Variants in TNS3 observed in about 807,000 individuals in gnomAD.
The protein encoded by TNS3 is tensin-3.
A neutral mutation model predicts 140.9 loss-of-function variants in TNS3; 45 were observed. The observed-to-expected ratio is 0.32, with a 90% CI of 0.25 to 0.41. The LOEUF is 0.41. Ranked by LOEUF, TNS3 falls within the 10% of genes least tolerant of loss-of-function variation. The pLI is 1.00. For missense variants in TNS3, 1,716 were observed against 1,906.7 expected, an observed-to-expected ratio of 0.90 and a Z score of 1.86; for synonymous variants, 815 against 788.4, an observed-to-expected ratio of 1.03 and a Z score of -0.56.
intron 4 of TNS3, among the ~76,000 whole-genome samples, chr7:47,456,300 A>G (rs1584700962): frequency 1.3e-5 from 2 of 151,958 alleles, no homozygotes; most frequent in East Asian, 3.9e-4. Flanking sequence ...CAATGGGGGG[A>G]GTATTTATAC....
intron 20 of TNS3, among the ~76,000 whole-genome samples, chr7:47,309,416 TG>T (rs539001252): frequency 1.6e-3 from 249 of 152,250 alleles, no homozygotes; most frequent in Middle Eastern, 6.8e-3. Flanking sequence ...AAATATGCTA[TG>T]AGAGTATGTT....
At chr7:47,412,915 A>G (rs1457179962) in intron 12 of TNS3, among the ~76,000 whole-genome samples, 1 of 152,196 alleles carries the variant, frequency 6.6e-6, no homozygotes, top group African/African-American at 2.4e-5. Flanking sequence ...GAGAATGCTC[A>G]TGGGTTATAT....
Position 47,276,374 on chromosome 7 carries a change from T to C in TNS3, c.*1702A>G, listed in dbSNP as rs1784870673. The C allele has an allele frequency of 6.5e-6, 1 of 152,714 alleles. No individual in the cohort carries two copies. The highest frequency in any genetic ancestry group is 1.5e-5 in the Non-Finnish European group (1 of 68,268). The allele number at this position is 152,714 out of a possible 1,614,324, so 9.5% of individuals were successfully genotyped here. On this transcript the variant is annotated 3_prime_UTR_variant, in exon 31 of 31. Coordinates refer to ENST00000311160, the MANE Select transcript of TNS3 (RefSeq NM_022748.12). ...ACTGTGATTTGGCTGCTTCCAACTC[T>C]GCCTGTTTCTAAGTTTTCCTCGGCC... is the stretch of plus-strand genomic sequence containing the variant.
intron 8 of TNS3, among the ~76,000 whole-genome samples, chr7:47,433,193 G>A (rs1178572549): frequency 6.6e-6 from 1 of 152,222 alleles, no homozygotes; most frequent in African/African-American, 2.4e-5. Flanking sequence ...TTCCTGGCAT[G>A]TGTGGAAGGA....
chr7:47,420,622 G>A (rs901050031), intron 10 of TNS3, among the ~76,000 whole-genome samples: 41 of 152,338 alleles, frequency 2.7e-4, no homozygotes, highest in African/African-American at 9.9e-4. Context: ...CAAGACATGG[G>A]AAGTGGGCCA....
chr7:47,379,071 G>C (rs1215593432), intron 16 of TNS3, among the ~76,000 whole-genome samples: 1 of 152,190 alleles, frequency 6.6e-6, no homozygotes, highest in Non-Finnish European at 1.5e-5. Flanking sequence ...CTAGGCTGTG[G>C]CCCAGAGCAC....
At chr7:47,551,842 G>T (rs1430934506) in intron 1 of TNS3, among the ~76,000 whole-genome samples, 1 of 152,148 alleles carries the variant, frequency 6.6e-6, no homozygotes, top group East Asian at 1.9e-4. Context: ...TCTTGCACTT[G>T]CAGAGACTGA....
chr7:47,533,999 C>T (rs1185728241), intron 1 of TNS3, among the ~76,000 whole-genome samples: 14 of 152,066 alleles, frequency 9.2e-5, no homozygotes, highest in Non-Finnish European at 1.5e-4. Flanking sequence ...CATGGCCAAG[C>T]GCGGTGGCTC....
At chr7:47,498,659 C>T (rs936548697) in intron 3 of TNS3, among the ~76,000 whole-genome samples, 2 of 152,222 alleles carry the variant, frequency 1.3e-5, no homozygotes, top group Non-Finnish European at 2.9e-5. Flanking sequence ...AGGGCTAGGA[C>T]TTCCTACACA....
intron 2 of TNS3, among the ~76,000 whole-genome samples, chr7:47,519,274 G>C (rs866417702): frequency 6.9e-6 from 1 of 144,176 alleles, no homozygotes; most frequent in Admixed American, 7.2e-5. Flanking sequence ...CACAAGGCAC[G>C]GGTGCAAAGG....
At chr7:47,549,979 G>T (rs1230436413) in intron 1 of TNS3, among the ~76,000 whole-genome samples, 1 of 140,428 alleles carries the variant, frequency 7.1e-6, no homozygotes. Context: ...TCTTGACAGG[G>T]GTGCCAGACC....
rs778455898 is a variant in TNS3 at position 47,303,155 on chromosome 7, G to T, written c.3252C>A (p.Gly1084=). The T allele has an allele frequency of 1.2e-6, 2 of 1,613,976 alleles. No individual in the cohort carries two copies. The highest frequency in any genetic ancestry group is 1.7e-5 in the Admixed American group (1 of 60,028). ...APGHSSHHSP[G]LQGQGVTLPG... ...GCAGGGTCACACCCTGGCCCTGCAG[G>T]CCTGGACTGTGGTGGCTGCTGTGTC... Residue 1084 remains glycine (G), a synonymous_variant, in exon 22 of 31, where the codon GGC becomes GGA. Transcript: ENST00000311160.
intron 4 of TNS3, among the ~76,000 whole-genome samples, chr7:47,457,049 A>T (rs2151665008): frequency 6.7e-6 from 1 of 148,538 alleles, no homozygotes; most frequent in African/African-American, 2.5e-5. Context: ...AATGTCTTTT[A>T]AAATATTCAG....
At chr7:47,493,113 T>C (rs577159225) in intron 3 of TNS3, among the ~76,000 whole-genome samples, 33 of 152,202 alleles carry the variant, frequency 2.2e-4, no homozygotes, top group Non-Finnish European at 4.3e-4. Context: ...AGGGAGGGGA[T>C]GCCCAGATCT....
At position 47,529,072 on chromosome 7, in the gene TNS3, T is replaced by C. The variant is rs1386264582; in HGVS notation, c.-189A>G. 7.8e-7 allele frequency: 1 copy of C among 1,288,944 alleles called. No homozygotes were observed. Among genetic ancestry groups the C allele is most frequent in the African/African-American group, 1.5e-5 (1 of 65,860 alleles). The allele number at this position is 1,288,944 out of a possible 1,614,324, so 79.8% of individuals were successfully genotyped here. ...ATACCTTGACCGTCAATAATTTGTT[T>C]GCAAACTCCACACACTTTGGATTTT... On this transcript the variant is annotated 5_prime_UTR_variant, in exon 2 of 31. Transcript: ENST00000311160.
intron 1 of TNS3, among the ~76,000 whole-genome samples, chr7:47,576,972 C>T (rs1316537179): frequency 6.6e-6 from 1 of 152,258 alleles, no homozygotes; most frequent in Non-Finnish European, 1.5e-5. Context: ...GAGTGTATTC[C>T]AGTGTATTCA....
At chr7:47,329,333 C>T (rs1434294727) in intron 20 of TNS3, among the ~76,000 whole-genome samples, 4 of 152,208 alleles carry the variant, frequency 2.6e-5, no homozygotes, top group Non-Finnish European at 5.9e-5. Flanking sequence ...GAGCAGGTCC[C>T]CGTTCCTCCT....
intron 27 of TNS3, among the ~76,000 whole-genome samples, chr7:47,291,537 G>A (rs746065274): frequency 3.9e-5 from 6 of 152,024 alleles, no homozygotes; most frequent in Admixed American, 6.6e-5. Context: ...TCTGTCTGGC[G>A]AGCTGGTTCT....
chr7:47,369,107 G>T lies in TNS3; in HGVS notation c.1539C>A (p.His513Gln). ...ATAGGAGTGAGTTCTGGCTGCTCTTGTGGCAGGTGAAGGGACCCAGGTGGG... is the reference window on the plus strand; with the variant it reads ...ATAGGAGTGAGTTCTGGCTGCTCTTTTGGCAGGTGAAGGGACCCAGGTGGG... ...QSAHLGPFTC[H>Q]KSSQNSLLSD... The change falls in exon 17 of 31, where the codon CAC (histidine) becomes CAA (glutamine). Residue 513 changes from histidine to glutamine, a missense_variant. Physicochemically the swap from His to Gln is conservative, Grantham distance 24. Around this residue, in one of 3 missense-constraint regions of TNS3, gnomAD observed 1,163 missense variants for 1,182.1 expected, o/e 0.98. Transcript: ENST00000311160. The T allele has an allele frequency of 6.2e-7, 1 of 1,614,012 alleles. No homozygotes were observed. The highest frequency in any genetic ancestry group is 1.3e-5 in the African/African-American group (1 of 75,076).
Sources: gnomAD v4.1 joint callset for allele counts (sites outside exome capture counted in the v4.1 genomes callset) on GRCh38, gnomAD v4.1.1 for gene constraint, gnomAD v4.1.1 regional missense constraint, MANE v1.5 for transcripts, NCBI Gene and HGNC (gene_info 2026-07-23, HGNC 2026-07-21) for gene names.